VEGFB: variants seen among roughly 807,000 people sequenced by gnomAD.
VEGFB encodes the protein vascular endothelial growth factor B.
A neutral mutation model predicts 22.5 loss-of-function variants in VEGFB; 24 were observed. That is an observed-to-expected ratio of 1.07 (90% confidence interval 0.77 to 1.50). The LOEUF is 1.50. VEGFB is among the 40% of genes most tolerant of loss of function. The pLI, the probability that VEGFB is intolerant of heterozygous loss-of-function variation, is 0.00. For missense variants in VEGFB, 327 were observed against 287.8 expected, an observed-to-expected ratio of 1.14 and a Z score of -0.99; for synonymous variants, 141 against 117.4, an observed-to-expected ratio of 1.20 and a Z score of -1.30.
chr11:64,237,118 AGAGAGTAGGATG>A (rs2030133975), intron 4 of VEGFB, 57 bp from the exon 5 acceptor site: 7 of 718,396 alleles, frequency 9.7e-6, no homozygotes, highest in South Asian at 8.9e-5. Flanking sequence ...AGAGAGAGAG[AGAGAGTAGGATG>A]CTGGGATTTC....
chr11:64,235,689 T>C, intron 2 of VEGFB, 124 bp from the exon 3 acceptor site: 1 of 1,301,984 alleles, frequency 7.7e-7, no homozygotes, highest in South Asian at 1.2e-5. Context: ...GGAAGACAGG[T>C]TGTGAGGGCA....
intron 1 of VEGFB, among the ~76,000 whole-genome samples, chr11:64,235,143 G>T (rs1386227611): frequency 6.6e-6 from 1 of 152,130 alleles, no homozygotes; most frequent in Non-Finnish European, 1.5e-5. Context: ...GGGCTCCCTC[G>T]GTGCCTGCAG....
chr11:64,234,919 GC>G lies in VEGFB; in HGVS notation c.60+29del. 7.9e-7 allele frequency: 1 copy of G among 1,272,190 alleles called. No homozygotes were observed. The highest frequency in any genetic ancestry group is 9.9e-7 in the Non-Finnish European group (1 of 1,009,414). 78.8% of individuals were successfully genotyped at this position (1,272,190 alleles called of 1,614,324 possible). A position where few individuals can be genotyped will look rare whatever the true frequency, so the allele number is the denominator to read the frequency against. The stretch of plus-strand genomic sequence containing the variant: ...GTACGTGCGGCCCGACAGCGCGCCC[GC>G]CCGCCCGCCGTGCCCTCTCTCAAGG... On this transcript the variant is annotated intron_variant, in intron 1 of 6. Coordinates refer to ENST00000309422, the MANE Select transcript of VEGFB (RefSeq NM_003377.5). This position sits in a 1 kb window ranked among gnomAD's most constrained non-coding sequence, Gnocchi z 5.3.
At chr11:64,236,586 G>A (rs553565747) in intron 4 of VEGFB, among the ~76,000 whole-genome samples, 8 of 151,684 alleles carry the variant, frequency 5.3e-5, no homozygotes, top group Admixed American at 3.3e-4. Context: ...GCGTGGTGGC[G>A]GGCACCTGTA....
At position 64,237,229 on chromosome 11, in the gene VEGFB, CTT is replaced by C; in HGVS notation, c.410+10_410+11del. On this transcript the variant is annotated splice_region_variant and intron_variant, in intron 5 of 6. Coordinates refer to ENST00000309422, the MANE Select transcript of VEGFB (RefSeq NM_003377.5). ...GTGCTGTGAAGCCAGACAGGTGAGT[CTT>C]TTGGACTCCAGCTGAGTAGGGGTAT... 2 of 1,608,506 alleles carry C rather than the reference CTT, an allele frequency of 1.2e-6. No individual in the cohort carries two copies. Among genetic ancestry groups the C allele is most frequent in the Non-Finnish European group, 1.7e-6 (2 of 1,175,894 alleles).
intron 4 of VEGFB, among the ~76,000 whole-genome samples, chr11:64,236,876 T>C (rs1013782373): frequency 6.7e-6 from 1 of 148,764 alleles, no homozygotes; most frequent in African/African-American, 2.4e-5. Context: ...GTAAGGCGTT[T>C]GAGACCAGCC....
In VEGFB at chr11:64,238,416, G is replaced by A; in HGVS notation, c.*83G>A. Reference sequence around the variant, plus strand: ...AGACTCAGCAGGGTGACTTGCCTCAGAGGCTATATCCCAGTGGGGGAACAA... The same window carrying A: ...AGACTCAGCAGGGTGACTTGCCTCAAAGGCTATATCCCAGTGGGGGAACAA... On this transcript the variant is annotated 3_prime_UTR_variant, in exon 7 of 7. Coordinates refer to ENST00000309422, the MANE Select transcript of VEGFB (RefSeq NM_003377.5). 6.5e-7 allele frequency: 1 copy of A among 1,536,066 alleles called. No homozygotes were observed. Among genetic ancestry groups the A allele is most frequent in the Non-Finnish European group, 8.7e-7 (1 of 1,146,826 alleles).
rs765317487 is a variant in VEGFB, at chr11:64,235,801, G to C, written c.104-12G>C. On this transcript the variant is annotated splice_polypyrimidine_tract_variant and intron_variant, in intron 2 of 6. Coordinates refer to ENST00000309422, the MANE Select transcript of VEGFB (RefSeq NM_003377.5). The stretch of plus-strand genomic sequence containing the variant: ...ACCAGTGAGGACTTAACCCCTACCG[G>C]TCTGCTCCCAGTGGTGTCATGGATA... 8.7e-6 allele frequency: 14 copies of C among 1,613,548 alleles called. No individual in the cohort carries two copies. Among genetic ancestry groups the C allele is most frequent in the Non-Finnish European group, 1.0e-5 (12 of 1,179,970 alleles).
chr11:64,238,539 C>A lies in VEGFB; in HGVS notation c.*206C>A. On this transcript the variant is annotated 3_prime_UTR_variant, in exon 7 of 7. Transcript: ENST00000309422. Reference sequence around the variant, plus strand: ...CTCTCAGAGGGCTCTTCTGCCATCCCTTGTCTCCCTGAGGCCATCATCAAA... The same window carrying A: ...CTCTCAGAGGGCTCTTCTGCCATCCATTGTCTCCCTGAGGCCATCATCAAA... 1 of 804,592 alleles carries A rather than the reference C, an allele frequency of 1.2e-6. No individual in the cohort carries two copies. The highest frequency in any genetic ancestry group is 2.0e-6 in the Non-Finnish European group (1 of 506,442). The allele number at this position is 804,592 out of a possible 1,614,324, so 49.8% of individuals were successfully genotyped here. A position where few individuals can be genotyped will look rare whatever the true frequency, so the allele number is the denominator to read the frequency against.
chr11:64,237,252 G>A lies in VEGFB; in HGVS notation c.410+30G>A, dbSNP rs747299424. On this transcript the variant is annotated intron_variant, in intron 5 of 6. Coordinates refer to ENST00000309422, the MANE Select transcript of VEGFB (RefSeq NM_003377.5). The stretch of plus-strand genomic sequence containing the variant: ...GTCTTTTGGACTCCAGCTGAGTAGG[G>A]GTATGGGGAGTACAAGTGAGTCCAG... The A allele has an allele frequency of 1.9e-6, 3 of 1,599,764 alleles. No individual in the cohort carries two copies. The South Asian group carries it at 3.3e-5, about 18-fold the overall frequency.
rs1289531263 is a variant in VEGFB, at chr11:64,235,890, A to T, written c.181A>T (p.Met61Leu). ...EVVVPLTVEL[M>L]GTVAKQLVPS... ...GGTGGTGCCCTTGACTGTGGAGCTCATGGGCACCGTGGCCAAACAGCTGGT... is the reference window on the plus strand; with the variant it reads ...GGTGGTGCCCTTGACTGTGGAGCTCTTGGGCACCGTGGCCAAACAGCTGGT... Residue 61 changes from methionine (M) to leucine (L), a missense_variant, in exon 3 of 7, where the codon ATG becomes TTG. Transcript: ENST00000309422. The T allele has an allele frequency of 3.7e-6, 6 of 1,613,810 alleles. No homozygotes were observed. The South Asian group carries it at 5.5e-5, about 15-fold the overall frequency.
rs764080247 is a variant in VEGFB at position 64,237,591 on chromosome 11, T to TGCCGAC, written c.587_592dup (p.Asp196_Ala197dup). On this transcript the variant is annotated inframe_insertion, in exon 6 of 7. Coordinates refer to ENST00000309422, the MANE Select transcript of VEGFB (RefSeq NM_003377.5). The stretch of plus-strand genomic sequence containing the variant: ...TGACCCCCGGACCTGCCGCTGCCGC[T>TGCCGAC]GCCGACGCCGCAGCTTCCTCCGTTG... 2 of 1,593,666 alleles carry TGCCGAC rather than the reference T, an allele frequency of 1.3e-6. No homozygotes were observed. Among genetic ancestry groups the TGCCGAC allele is most frequent in the Non-Finnish European group, 1.7e-6 (2 of 1,174,486 alleles).
intron 6 of VEGFB, 149 bp from the exon 7 acceptor site, chr11:64,238,207 C>A: frequency 1.0e-6 from 1 of 970,406 alleles, no homozygotes; most frequent in Non-Finnish European, 1.5e-6. Context: ...GCAAAAGGTT[C>A]ATCCTTCGCC....
Position 64,238,705 on chromosome 11 carries a change from G to A in VEGFB, c.*372G>A, listed in dbSNP as rs1230626487. Reference sequence around the variant, plus strand: ...AACTGGCTCTTCCTCCCCTCACTAAGAAGACCCAAACCTCTGCATAATGGG... The same window carrying A: ...AACTGGCTCTTCCTCCCCTCACTAAAAAGACCCAAACCTCTGCATAATGGG... On this transcript the variant is annotated 3_prime_UTR_variant, in exon 7 of 7. Coordinates refer to ENST00000309422, the MANE Select transcript of VEGFB (RefSeq NM_003377.5). 2.4e-6 allele frequency: 1 copy of A among 419,636 alleles called. No homozygotes were observed. Among genetic ancestry groups the A allele is most frequent in the African/African-American group, 2.0e-5 (1 of 50,008 alleles). The allele number at this position is 419,636 out of a possible 1,614,324, so 26.0% of individuals were successfully genotyped here. A position where few individuals can be genotyped will look rare whatever the true frequency, so the allele number is the denominator to read the frequency against.
At chr11:64,236,635 T>C (rs544890182) in intron 4 of VEGFB, among the ~76,000 whole-genome samples, 1 of 142,806 alleles carries the variant, frequency 7.0e-6, no homozygotes, top group African/African-American at 2.6e-5. Context: ...GAGAATGGCA[T>C]GAACCTGGGA....
rs1368337403 is a variant in VEGFB at position 64,236,235 on chromosome 11, GTTC to G, written c.301-14_301-12del. The stretch of plus-strand genomic sequence containing the variant: ...CTCTCTCTCCCTCACTGTCCCCCCT[GTTC>G]TTCTCCTGAGCACAGATCCTCATGA... On this transcript the variant is annotated splice_polypyrimidine_tract_variant and intron_variant, in intron 3 of 6. Coordinates refer to ENST00000309422, the MANE Select transcript of VEGFB (RefSeq NM_003377.5). The G allele has an allele frequency of 1.8e-5, 29 of 1,613,312 alleles. No individual in the cohort carries two copies. The highest frequency in any genetic ancestry group is 2.2e-5 in the East Asian group (1 of 44,886).
Position 64,237,525 on chromosome 11 carries a change from A to G in VEGFB, c.516A>G (p.Pro172=), listed in dbSNP as rs1291481710. The change falls in exon 6 of 7, where the codon CCA becomes CCG. Residue 172 remains proline, a synonymous_variant. Transcript: ENST00000309422. The part of the protein sequence containing the change: ...PADITHPTPA[P]GPSAHAAPST... ...ACATCACCCATCCCACTCCAGCCCC[A>G]GGCCCCTCTGCCCACGCTGCACCCA... The G allele has an allele frequency of 6.2e-7, 1 of 1,610,722 alleles. No homozygotes were observed. Among genetic ancestry groups the G allele is most frequent in the East Asian group, 2.2e-5 (1 of 44,858 alleles).
chr11:64,238,327 C>G (rs1220924510), intron 6 of VEGFB, 29 bp from the exon 7 acceptor site: 3 of 1,536,024 alleles, frequency 2.0e-6, no homozygotes, highest in Non-Finnish European at 2.6e-6. Context: ...CTCCAGCCAG[C>G]ATGAACAGAT....
rs1424096906 is a variant in VEGFB, at chr11:64,234,724, C to G, written c.-110C>G. 3.9e-6 allele frequency: 1 copy of G among 256,374 alleles called. No homozygotes were observed. Among genetic ancestry groups the G allele is most frequent in the African/African-American group, 2.4e-5 (1 of 42,418 alleles). The allele number at this position is 256,374 out of a possible 1,614,324, so 15.9% of individuals were successfully genotyped here. A position where few individuals can be genotyped will look rare whatever the true frequency, so the allele number is the denominator to read the frequency against. On this transcript the variant is annotated 5_prime_UTR_variant, in exon 1 of 7. Transcript: ENST00000309422. The surrounding 1 kb of genome is among the most constrained non-coding windows in gnomAD (Gnocchi z 5.3). ...GAGGAGTCGCCCCCCGCGCCCGGCC[C>G]CCGCCCGCCGCGCCCGGGCCCGCGC...
Sources: allele counts gnomAD v4.1 joint callset (sites outside exome capture counted in the v4.1 genomes callset), GRCh38; gene constraint gnomAD v4.1.1; non-coding constraint Gnocchi (gnomAD v3.1); transcripts MANE v1.5; gene names NCBI Gene and HGNC (gene_info 2026-07-23, HGNC 2026-07-21).